LRP2: variants seen among roughly 807,000 people sequenced by gnomAD.
LRP2 encodes the protein LDL receptor related protein 2.
A neutral mutation model predicts 531.0 loss-of-function variants in LRP2; 172 were observed. The observed-to-expected ratio is 0.32, with a 90% CI of 0.29 to 0.37. The LOEUF is 0.37. Among genes scored for constraint, LRP2 ranks in the 10% least tolerant of loss-of-function variants. The pLI is 1.00. For missense variants in LRP2, 5,167 were observed against 5,868.3 expected (o/e 0.88, Z 3.90); for synonymous variants, 1,992 against 2,027.6 (o/e 0.98, Z 0.47).
At chr2:169,160,025 C>T (rs1686513324) in intron 63 of LRP2, among the ~76,000 whole-genome samples, 1 of 152,124 alleles carries the variant, frequency 6.6e-6, no homozygotes, top group African/African-American at 2.4e-5. Flanking sequence ...CATTTTAACC[C>T]GTATAACTGA....
intron 1 of LRP2, among the ~76,000 whole-genome samples, chr2:169,351,373 AG>A (rs1255191477): frequency 1.3e-5 from 2 of 152,234 alleles, no homozygotes; most frequent in African/African-American, 4.8e-5. Flanking sequence ...GATAGTTAGA[AG>A]GTAATGTGGA....
intron 63 of LRP2, among the ~76,000 whole-genome samples, chr2:169,157,726 G>C (rs190396017): frequency 7.9e-4 from 120 of 151,952 alleles, no homozygotes; most frequent in African/African-American, 2.7e-3. Flanking sequence ...AAAACTTTGA[G>C]GCAATTTTCA....
At position 169,298,767 on chromosome 2, in the gene LRP2, G is replaced by A. The variant is rs567964900; in HGVS notation, c.428-4057C>T. Among the ~76,000 whole-genome samples, 4 of 151,726 alleles carry A rather than the reference G, an allele frequency of 2.6e-5. No individual in the cohort carries two copies. The South Asian group carries it at 8.4e-4, about 32-fold the overall frequency. ...TAGGAATTCTAGGAAACCTACACAG[G>A]AAAAATAACTTTCCAGAAGGAGTAC... On this transcript the variant is annotated intron_variant, in intron 4 of 78. Transcript: ENST00000649046.
At chr2:169,261,367 C>T (rs1690543033) in intron 16 of LRP2, among the ~76,000 whole-genome samples, 1 of 151,810 alleles carries the variant, frequency 6.6e-6, no homozygotes, top group Admixed American at 6.6e-5. Context: ...CAGGTCTTAC[C>T]TAGGCTGGAG....
rs756607482 is a variant in LRP2, at chr2:169,185,818, T to C, written c.9530A>G (p.Lys3177Arg). ...TTCTCGGAGGTAGCCTGGGGCACAC[T>C]TACAGATGTAGGAGCCTATTACATT... ...CENVIGSYIC[K>R]CAPGYLREPD... is the part of the protein sequence containing the mutation. Residue 3177 changes from lysine to arginine, a missense_variant, in exon 50 of 79, where the codon AAG becomes AGG. This residue lies in a region of LRP2 where 1,129 missense variants were observed against 1,362.7 expected (regional missense o/e 0.83). Transcript: ENST00000649046. 1 of 1,613,938 alleles carries C rather than the reference T, an allele frequency of 6.2e-7. No homozygotes were observed. Among genetic ancestry groups the C allele is most frequent in the African/African-American group, 1.3e-5 (1 of 74,968 alleles).
At position 169,157,016 on chromosome 2, in the gene LRP2, G is replaced by C. The variant is rs117727099; in HGVS notation, c.12019+355C>G. On this transcript the variant is annotated intron_variant, in intron 64 of 78. Transcript: ENST00000649046. ...GTAGGTGTATAATAAATACGTGTTG[G>C]TTGTTTGACTTACAATGAAGAAAGT... is the stretch of plus-strand genomic sequence containing the variant. 5.8e-4 allele frequency among the ~76,000 whole-genome samples: 88 copies of C among 152,226 alleles called. 1 individual carries two copies. The East Asian group carries it at 0.013, about 23-fold the overall frequency.
At position 169,149,908 on chromosome 2, in the gene LRP2, T is replaced by G. The variant is rs954574805; in HGVS notation, c.12590+990A>C. ...GGGATATCAGAGTATGATAATAATA[T>G]CAGATGAATTTAAACATTAGTTACA... On this transcript the variant is annotated intron_variant, in intron 68 of 78. Transcript: ENST00000649046. Among the ~76,000 whole-genome samples, 8 of 150,454 alleles carry G rather than the reference T, an allele frequency of 5.3e-5. No homozygotes were observed. In the East Asian group the frequency reaches 1.6e-3, roughly 29 times the overall value.
chr2:169,254,322 G>T, intron 19 of LRP2, among the ~76,000 whole-genome samples: 1 of 83,454 alleles, frequency 1.2e-5, no homozygotes, highest in African/African-American at 6.4e-5. Context: ...CATAAAAAAT[G>T]ATGAGTTCAT....
chr2:169,183,678 A>C (rs979970463), intron 50 of LRP2, among the ~76,000 whole-genome samples: 2 of 152,206 alleles, frequency 1.3e-5, no homozygotes, highest in Non-Finnish European at 2.9e-5. Flanking sequence ...GATTCTTCTC[A>C]AGAAAACATG....
At chr2:169,275,453 C>T (rs1407605813) in intron 13 of LRP2, 8 of 546,656 alleles carry the variant, frequency 1.5e-5, no homozygotes, top group Non-Finnish European at 2.6e-5. Flanking sequence ...ACCCTTGAGA[C>T]TTACATTCCA....
intron 68 of LRP2, among the ~76,000 whole-genome samples, chr2:169,149,102 G>A (rs1274765443): frequency 6.6e-6 from 1 of 152,158 alleles, no homozygotes; most frequent in Non-Finnish European, 1.5e-5. Flanking sequence ...CTGTCTGAAG[G>A]AGCATGGTGT....
chr2:169,172,280 T>G, intron 57 of LRP2, 146 bp from the exon 58 acceptor site: 1 of 909,410 alleles, frequency 1.1e-6, no homozygotes, highest in Non-Finnish European at 1.7e-6. Context: ...ACATTCATGG[T>G]CAACATTCCC....
chr2:169,277,466 T>C (rs1049949431), intron 13 of LRP2, among the ~76,000 whole-genome samples: 1 of 152,068 alleles, frequency 6.6e-6, no homozygotes, highest in Non-Finnish European at 1.5e-5. Flanking sequence ...ATAATGTGCA[T>C]CATGTGGGAC....
intron 31 of LRP2, 45 bp from the exon 32 acceptor site, chr2:169,226,633 C>G: frequency 6.9e-7 from 1 of 1,456,356 alleles, no homozygotes; most frequent in Non-Finnish European, 9.6e-7. Context: ...TCCCACTATT[C>G]CCAGACATTT....
At chr2:169,289,367 T>C (rs777482389) in intron 8 of LRP2, among the ~76,000 whole-genome samples, 1 of 152,146 alleles carries the variant, frequency 6.6e-6, no homozygotes, top group Non-Finnish European at 1.5e-5. Flanking sequence ...CTGGGTAATG[T>C]AGCTACACCT....
chr2:169,350,723 CAAAAAAAA>C (rs35301449), intron 1 of LRP2, among the ~76,000 whole-genome samples: 4 of 68,224 alleles, frequency 5.9e-5, no homozygotes, highest in South Asian at 7.4e-4. Flanking sequence ...GACTCCATCG[CAAAAAAAA>C]AAAAAAAAAA....
In LRP2 at chr2:169,182,180, G is replaced by A. The variant is rs758275971; in HGVS notation, c.9985C>T (p.His3329Tyr). The A allele has an allele frequency of 1.2e-6, 2 of 1,614,164 alleles. No homozygotes were observed. The highest frequency in any genetic ancestry group is 1.1e-5 in the South Asian group (1 of 91,082). The part of the protein sequence containing the change: ...CFDNPRGLAL[H>Y]PQYGYLYWAD... ...GGGAGACAATACCCATATTGAGGGTGAAGGGCAAGTCCTCTGGGATTATCA... is the reference window on the plus strand; with the variant it reads ...GGGAGACAATACCCATATTGAGGGTAAAGGGCAAGTCCTCTGGGATTATCA... Residue 3329 changes from histidine to tyrosine, a missense_variant, in exon 51 of 79, where the codon CAC (histidine) becomes TAC (tyrosine). Coordinates refer to ENST00000649046, the MANE Select transcript of LRP2 (RefSeq NM_004525.3).
At position 169,284,256 on chromosome 2, in the gene LRP2, CTTT is replaced by C. The variant is rs1216987363; in HGVS notation, c.1043-1258_1043-1256del. ...CTTTTCTTTTCTTTTTCTTTTTTTT[CTTT>C]TTTTTTTTTTTTTTTTTTTTTTTGA... On this transcript the variant is annotated intron_variant, in intron 9 of 78. Transcript: ENST00000649046. Among the ~76,000 whole-genome samples the C allele has an allele frequency of 6.9e-3, 669 of 96,592 alleles. 32 individuals are homozygous for C. Among genetic ancestry groups the C allele is most frequent in the African/African-American group, 0.028 (639 of 22,654 alleles). 63.4% of individuals were successfully genotyped at this position (96,592 alleles called of 152,430 possible).
chr2:169,336,797 T>C (rs1235905984), intron 1 of LRP2, among the ~76,000 whole-genome samples: 1 of 152,188 alleles, frequency 6.6e-6, no homozygotes, highest in Non-Finnish European at 1.5e-5. Context: ...CACAACCGTT[T>C]GGCTATCCTC....
Sources: allele counts gnomAD v4.1 joint callset (sites outside exome capture counted in the v4.1 genomes callset), GRCh38; gene constraint gnomAD v4.1.1; regional missense constraint gnomAD v4.1.1; transcripts MANE v1.5; gene names NCBI Gene and HGNC (gene_info 2026-07-23, HGNC 2026-07-21).